MINDY4: variants seen among roughly 807,000 people sequenced by gnomAD.
MINDY4 encodes the protein probable ubiquitin carboxyl-terminal hydrolase MINDY-4.
In MINDY4, 68 loss-of-function variants were observed where a neutral mutation model predicts 87.0. The ratio of observed to expected loss-of-function variants is 0.78; its 90% CI spans 0.64 to 0.96. MINDY4 has a LOEUF of 0.96. Ranked by LOEUF, MINDY4 falls within the 40% of genes least tolerant of loss-of-function variation. The probability of loss-of-function intolerance (pLI) is 0.00; values close to 1 mark genes in which losing one functional copy is unlikely to be tolerated. For missense variants in MINDY4, 919 were observed against 928.2 expected (o/e 0.99, Z 0.13); for synonymous variants, 379 against 363.2 (o/e 1.04, Z -0.50).
At chr7:30,833,429 A>C (rs1418827624) in intron 6 of MINDY4, among the ~76,000 whole-genome samples, 2 of 152,234 alleles carry the variant, frequency 1.3e-5, no homozygotes, top group Non-Finnish European at 2.9e-5. Context: ...TCACAAGACC[A>C]GCACAGGGAA....
intron 2 of MINDY4, among the ~76,000 whole-genome samples, chr7:30,779,068 T>C (rs1319987019): frequency 6.6e-6 from 1 of 152,194 alleles, no homozygotes; most frequent in Non-Finnish European, 1.5e-5. Context: ...CTGTGTTTTC[T>C]TGGGCGGGAA....
At chr7:30,839,131 A>G (rs1249239537) in intron 7 of MINDY4, 69 bp from the exon 8 acceptor site, 21 of 976,480 alleles carry the variant, frequency 2.2e-5, no homozygotes, top group Non-Finnish European at 3.2e-5. Context: ...CTGCAGGAAT[A>G]TGCACACTGA....
intron 5 of MINDY4, among the ~76,000 whole-genome samples, chr7:30,812,444 T>C (rs1477861890): frequency 6.6e-6 from 1 of 152,110 alleles, no homozygotes; most frequent in Non-Finnish European, 1.5e-5. Context: ...ACACATGGAA[T>C]AGACAGGAAA....
intron 5 of MINDY4, among the ~76,000 whole-genome samples, chr7:30,824,251 G>T (rs1043299140): frequency 6.6e-6 from 1 of 152,162 alleles, no homozygotes; most frequent in African/African-American, 2.4e-5. Flanking sequence ...TGATGGGGAG[G>T]CTGAGTGTGC....
At position 30,859,332 on chromosome 7, in the gene MINDY4, T is replaced by G. The variant is rs1042744899; in HGVS notation, c.1745+8T>G. ...GTCCAGGTCTACAGAGCTGTGAGTA[T>G]CTTTCTCCCTCAACTCCCTGGGGCT... is the stretch of plus-strand genomic sequence containing the variant. On this transcript the variant is annotated splice_region_variant and intron_variant, in intron 13 of 17. Transcript: ENST00000265299. 1.2e-6 allele frequency: 2 copies of G among 1,613,640 alleles called. No individual in the cohort carries two copies. The highest frequency in any genetic ancestry group is 2.7e-5 in the African/African-American group (2 of 74,928).
chr7:30,821,974 TTCTC>T (rs1456096632), intron 5 of MINDY4, among the ~76,000 whole-genome samples: 4 of 152,054 alleles, frequency 2.6e-5, no homozygotes, highest in African/African-American at 9.7e-5. Flanking sequence ...CATTTGTTCT[TTCTC>T]TCTCTTTCTC....
intron 9 of MINDY4, among the ~76,000 whole-genome samples, chr7:30,848,448 C>T (rs1211858797): frequency 6.6e-6 from 1 of 152,206 alleles, no homozygotes; most frequent in African/African-American, 2.4e-5. Flanking sequence ...AGTACATGGC[C>T]ATCATTTGTA....
intron 5 of MINDY4, among the ~76,000 whole-genome samples, chr7:30,814,388 A>C (rs1009991556): frequency 6.6e-6 from 1 of 152,210 alleles, no homozygotes; most frequent in Admixed American, 6.5e-5. Context: ...GATTATGTCA[A>C]CCTTTAGAAT....
chr7:30,825,302 C>T (rs1485910445), intron 5 of MINDY4, among the ~76,000 whole-genome samples: 1 of 152,158 alleles, frequency 6.6e-6, no homozygotes, highest in African/African-American at 2.4e-5. Context: ...TTGAAGTCTC[C>T]TCTGGTGATG....
chr7:30,888,659 C>T (rs193178854), intron 17 of MINDY4, among the ~76,000 whole-genome samples: 106 of 152,300 alleles, frequency 7.0e-4, no homozygotes, highest in African/African-American at 2.4e-3. Flanking sequence ...GGGAACGATT[C>T]GATTCGTCCC....
chr7:30,825,720 A>G (rs1244492788), intron 5 of MINDY4, among the ~76,000 whole-genome samples: 1 of 152,242 alleles, frequency 6.6e-6, no homozygotes, highest in Non-Finnish European at 1.5e-5. Context: ...CACTGGCTAC[A>G]TGCTGGACAC....
intron 13 of MINDY4, among the ~76,000 whole-genome samples, chr7:30,871,002 G>A (rs992801173): frequency 2.0e-5 from 3 of 150,756 alleles, no homozygotes; most frequent in Non-Finnish European, 4.4e-5. Context: ...CCAGGGTCCA[G>A]TGTGACCCCC....
At chr7:30,887,608 G>A (rs1038157429) in intron 17 of MINDY4, among the ~76,000 whole-genome samples, 1 of 152,206 alleles carries the variant, frequency 6.6e-6, no homozygotes, top group Admixed American at 6.5e-5. Context: ...TCCCTGCTGA[G>A]TGCCTGGGAG....
chr7:30,823,966 C>G (rs1788419297), intron 5 of MINDY4, among the ~76,000 whole-genome samples: 1 of 152,098 alleles, frequency 6.6e-6, no homozygotes, highest in Non-Finnish European at 1.5e-5. Context: ...ATGTTAATTT[C>G]TTATATTCTA....
chr7:30,851,961 T>C (rs1007888902), intron 10 of MINDY4, among the ~76,000 whole-genome samples: 1 of 152,234 alleles, frequency 6.6e-6, no homozygotes, highest in African/African-American at 2.4e-5. Flanking sequence ...TTGGGTTTGG[T>C]TATTCCAAGC....
chr7:30,793,722 C>T (rs895257936), intron 5 of MINDY4, among the ~76,000 whole-genome samples: 32 of 152,076 alleles, frequency 2.1e-4, no homozygotes, highest in Admixed American at 1.8e-3. Context: ...AGGGGCTGCC[C>T]GTGGAAGAGC....
At chr7:30,777,749 C>T (rs1031735253) in intron 1 of MINDY4, among the ~76,000 whole-genome samples, 14 of 152,196 alleles carry the variant, frequency 9.2e-5, no homozygotes, top group African/African-American at 3.1e-4. Flanking sequence ...TTGACAATCA[C>T]CATGGCCCAG....
intron 12 of MINDY4, among the ~76,000 whole-genome samples, chr7:30,856,376 G>T (rs1203920805): frequency 6.6e-6 from 1 of 152,078 alleles, no homozygotes; most frequent in African/African-American, 2.4e-5. Context: ...GTTCCAGCAA[G>T]GGCAAGAAGC....
At chr7:30,887,994 CA>C (rs1161937752) in intron 17 of MINDY4, among the ~76,000 whole-genome samples, 1 of 152,198 alleles carries the variant, frequency 6.6e-6, no homozygotes, top group Non-Finnish European at 1.5e-5. Flanking sequence ...TTAAAGCATA[CA>C]AGAGGCGTCC....
Sources: allele counts gnomAD v4.1 joint callset (sites outside exome capture counted in the v4.1 genomes callset), GRCh38; gene constraint gnomAD v4.1.1; transcripts MANE v1.5; gene names NCBI Gene and HGNC (gene_info 2026-07-23, HGNC 2026-07-21).